The following XG variants were observed in gnomAD, a reference collection of about 807,000 sequenced individuals.
The protein encoded by XG is glycoprotein Xg.
Under a neutral mutation model 25.7 loss-of-function variants are expected in XG, and 24 were observed. The ratio of observed to expected loss-of-function variants is 0.93; its 90% CI spans 0.68 to 1.31. XG has a LOEUF of 1.31. Among genes scored for constraint, XG ranks in the 40% most tolerant of loss-of-function variants. The probability of loss-of-function intolerance (pLI) is 0.00; values close to 1 mark genes in which losing one functional copy is unlikely to be tolerated. For missense variants in XG, 181 were observed against 187.6 expected, an observed-to-expected ratio of 0.96 and a Z score of 0.21; for synonymous variants, 77 against 69.2, an observed-to-expected ratio of 1.11 and a Z score of -0.56.
At chrX:2,776,449 A>G (rs2050993520) in intron 3 of XG, among the ~76,000 whole-genome samples, 1 of 152,096 alleles carries the variant, frequency 6.6e-6, no homozygotes, top group Non-Finnish European at 1.5e-5. Flanking sequence ...TCGCCACAGT[A>G]TCTTATCAGT....
chrX:2,766,766 C>T (rs914682187), intron 1 of XG, among the ~76,000 whole-genome samples: 8 of 151,316 alleles, frequency 5.3e-5, no homozygotes, highest in East Asian at 2.0e-4. Context: ...GGGGTTTCAC[C>T]GTGTTAGCCA....
At position 2,773,878 on chromosome X, in the gene XG, G is replaced by A. The variant is rs187611241; in HGVS notation, c.104-838G>A. ...AGAAGGGAGGGCAGGAAGGGAGAGG[G>A]AGGTGGCAGGAAGGAGAAAAGGTGA... is the stretch of plus-strand genomic sequence containing the variant. On this transcript the variant is annotated intron_variant, in intron 2 of 10. Transcript: ENST00000644266. 1.4e-4 allele frequency among the ~76,000 whole-genome samples: 21 copies of A among 152,034 alleles called. No individual in the cohort carries two copies. The East Asian group carries it at 4.1e-3, about 29-fold the overall frequency.
intron 3 of XG, among the ~76,000 whole-genome samples, chrX:2,780,711 C>CT (rs746141587): frequency 1.3e-4 from 18 of 137,818 alleles, no homozygotes; most frequent in African/African-American, 4.2e-4. Context: ...GACCAAGACT[C>CT]TGTCTCAAAA....
chrX:2,753,196 T>A (rs1342392682), intron 1 of XG, among the ~76,000 whole-genome samples: 1 of 152,142 alleles, frequency 6.6e-6, no homozygotes, highest in Admixed American at 6.5e-5. Flanking sequence ...GCGGAGGCGG[T>A]GTCGGGATGG....
intron 3 of XG, among the ~76,000 whole-genome samples, chrX:2,775,526 G>A (rs778396457): frequency 9.9e-5 from 15 of 152,250 alleles, no homozygotes; most frequent in East Asian, 1.9e-4. Flanking sequence ...TTGGGGGAAC[G>A]AAAGCATTCT....
intron 7 of XG, among the ~76,000 whole-genome samples, chrX:2,799,617 G>A (rs144294602): frequency 1.9e-3 from 216 of 111,299 alleles, no homozygotes; most frequent in African/African-American, 6.8e-3. Flanking sequence ...TCTGCTGGGC[G>A]GGGGTGACTG....
chrX:2,774,707 T>G lies in XG; in HGVS notation c.104-9T>G, dbSNP rs1485203504. ...GCATATTGCATTTATTTTCTCTCTTTGTTCACAGAACCCACCAAGAAGCCA... is the reference window on the plus strand; with the variant it reads ...GCATATTGCATTTATTTTCTCTCTTGGTTCACAGAACCCACCAAGAAGCCA... On this transcript the variant is annotated splice_polypyrimidine_tract_variant and intron_variant, in intron 2 of 10. Transcript: ENST00000644266. 6.2e-7 allele frequency: 1 copy of G among 1,613,958 alleles called. No homozygotes were observed. The highest frequency in any genetic ancestry group is 2.2e-5 in the East Asian group (1 of 44,884).
chrX:2,767,308 C>T (rs1233508655), intron 1 of XG, among the ~76,000 whole-genome samples: 7 of 152,122 alleles, frequency 4.6e-5, no homozygotes, highest in South Asian at 2.1e-4. Context: ...ACAGCTTTAC[C>T]GGGGGCTCAT....
intron 5 of XG, among the ~76,000 whole-genome samples, chrX:2,793,588 CTT>C (rs1337074262): frequency 1.8e-5 from 2 of 111,994 alleles, no homozygotes; most frequent in Non-Finnish European, 3.8e-5. Flanking sequence ...GCAGGTGCCT[CTT>C]TGTTTTTTGG....
chrX:2,770,023 GT>G (rs1206806653), intron 1 of XG, among the ~76,000 whole-genome samples: 5,143 of 133,318 alleles, frequency 0.039, 297 homozygotes, highest in South Asian at 0.084. Flanking sequence ...GTGTGGAGGG[GT>G]GGGGGGGGCG....
chrX:2,754,019 G>T (rs767633933), intron 1 of XG, among the ~76,000 whole-genome samples: 63 of 152,282 alleles, frequency 4.1e-4, no homozygotes, highest in Admixed American at 3.7e-3. Context: ...CACTCTGAAG[G>T]CAGGTAAGGC....
At position 2,789,654 on chromosome X, in the gene XG, A is replaced by G; in HGVS notation, c.201A>G (p.Pro67=). Residue 67 remains proline, a synonymous_variant, in exon 5 of 11, where the codon CCA becomes CCG. Coordinates refer to ENST00000644266, the MANE Select transcript of XG (RefSeq NM_001141919.2). ...ENPDSGGNIY[P]RPKPRPQPQP... Reference sequence around the variant, plus strand: ...GTTGTTTTCCAACAGATATCTACCCAAGGCCAAAGCCACGCCCTCAACCCC... The same window carrying G: ...GTTGTTTTCCAACAGATATCTACCCGAGGCCAAAGCCACGCCCTCAACCCC... 1 of 1,171,470 alleles carries G rather than the reference A, an allele frequency of 8.5e-7. No homozygotes were observed. Among genetic ancestry groups the G allele is most frequent in the Non-Finnish European group, 1.1e-6 (1 of 873,843 alleles).
intron 5 of XG, among the ~76,000 whole-genome samples, chrX:2,793,747 G>A (rs1353388610): frequency 1.8e-5 from 2 of 111,694 alleles, no homozygotes; most frequent in Non-Finnish European, 3.8e-5. Context: ...AGATAGTTGA[G>A]CAGGAACTTG....
chrX:2,770,024 T>TGG (rs1228784732), intron 1 of XG, among the ~76,000 whole-genome samples: 2 of 28,178 alleles, frequency 7.1e-5, no homozygotes, highest in African/African-American at 1.5e-4. Context: ...TGTGGAGGGG[T>TGG]GGGGGGGGCG....
At chrX:2,800,975 C>CAAAAA (rs55635919) in intron 7 of XG, among the ~76,000 whole-genome samples, 1 of 36,428 alleles carries the variant, frequency 2.7e-5, no homozygotes, top group Non-Finnish European at 5.1e-5. Flanking sequence ...GACCCTGTCT[C>CAAAAA]AAAAAAAAAA....
intron 9 of XG, among the ~76,000 whole-genome samples, chrX:2,810,297 T>G (rs1465568441): frequency 1.8e-5 from 2 of 111,450 alleles, no homozygotes; most frequent in Non-Finnish European, 3.8e-5. Flanking sequence ...TTGGAAGTGT[T>G]GATTTTTGTC....
Position 2,801,790 on chromosome X carries a change from G to A in XG, c.373+4430G>A, listed in dbSNP as rs769106132. On this transcript the variant is annotated intron_variant, in intron 7 of 10. Coordinates refer to ENST00000644266, the MANE Select transcript of XG (RefSeq NM_001141919.2). ...GTGGCGTCATCTCGGCTCACTGCAA[G>A]CTCCGCCTCCCGGGTTCACGCCATT... is the stretch of plus-strand genomic sequence containing the variant. Among the ~76,000 whole-genome samples, 12 of 110,656 alleles carry A rather than the reference G, an allele frequency of 1.1e-4. 1 individual carries two copies. The South Asian group carries it at 4.6e-3, about 42-fold the overall frequency.
At chrX:2,761,261 A>T (rs1236239819) in intron 1 of XG, among the ~76,000 whole-genome samples, 1 of 152,198 alleles carries the variant, frequency 6.6e-6, no homozygotes, top group African/African-American at 2.4e-5. Context: ...ATAAGGACAC[A>T]GACACACACA....
intron 9 of XG, among the ~76,000 whole-genome samples, chrX:2,811,116 T>C (rs201308927): frequency 5.6e-4 from 29 of 52,015 alleles, no homozygotes; most frequent in African/African-American, 3.6e-3. Flanking sequence ...TTTTTTTTTC[T>C]TTTTTTTTAA....
Sources: gnomAD v4.1 joint callset for allele counts (sites outside exome capture counted in the v4.1 genomes callset) on GRCh38, gnomAD v4.1.1 for gene constraint, MANE v1.5 for transcripts, NCBI Gene and HGNC (gene_info 2026-07-23, HGNC 2026-07-21) for gene names.